The following FABP12 variants were observed in gnomAD, a reference collection of about 807,000 sequenced individuals.
FABP12 encodes the protein fatty acid-binding protein 12.
FABP12 carries 19 observed loss-of-function variants against 13.7 expected under a neutral mutation model. That is an observed-to-expected ratio of 1.39 (90% CI 0.97 to 2.04). FABP12 has a LOEUF of 2.04. Ranked by LOEUF, FABP12 falls within the 30% of genes most tolerant of loss-of-function variation. The probability of loss-of-function intolerance (pLI) is 0.00; values close to 1 mark genes in which losing one functional copy is unlikely to be tolerated. For synonymous variants in FABP12, 61 were observed against 57.0 expected, an observed-to-expected ratio of 1.07 and a Z score of -0.32; for missense variants, 182 against 164.2, an observed-to-expected ratio of 1.11 and a Z score of -0.59.
At chr8:81,569,364 T>C (rs1347803749) in intron 1 of FABP12, among the ~76,000 whole-genome samples, 1 of 152,266 alleles carries the variant, frequency 6.6e-6, no homozygotes, top group Non-Finnish European at 1.5e-5. Flanking sequence ...ATTGTATGGT[T>C]CTGTATTGTA....
intron 1 of FABP12, among the ~76,000 whole-genome samples, chr8:81,561,129 C>A (rs1809717244): frequency 6.6e-6 from 1 of 152,164 alleles, no homozygotes; most frequent in African/African-American, 2.4e-5. Context: ...TCTTCCTAGT[C>A]TAGTCTATTT....
intron 1 of FABP12, among the ~76,000 whole-genome samples, chr8:81,589,888 C>A (rs1810294425): frequency 6.6e-6 from 1 of 152,158 alleles, no homozygotes; most frequent in Non-Finnish European, 1.5e-5. Flanking sequence ...AAAATTTGAA[C>A]CATATAATGA....
intron 1 of FABP12, among the ~76,000 whole-genome samples, chr8:81,542,144 C>A (rs1809360467): frequency 6.6e-6 from 1 of 152,026 alleles, no homozygotes. Context: ...AAAATCCCAG[C>A]CAGAATGGAG....
At chr8:81,530,913 CT>C (rs1368373903) in intron 2 of FABP12, among the ~76,000 whole-genome samples, 2 of 152,138 alleles carry the variant, frequency 1.3e-5, no homozygotes, top group Non-Finnish European at 2.9e-5. Flanking sequence ...CTACTCTGAA[CT>C]TTATTCTGAA....
At chr8:81,583,385 G>C (rs184287428) in intron 1 of FABP12, among the ~76,000 whole-genome samples, 1 of 151,296 alleles carries the variant, frequency 6.6e-6, no homozygotes, top group Non-Finnish European at 1.5e-5. Context: ...TAGAGACAAA[G>C]AATCAACAAA....
intron 4 of FABP12, among the ~76,000 whole-genome samples, chr8:81,525,529 A>AATAG (rs1554576047): frequency 0.015 from 2,301 of 150,026 alleles, 22 homozygotes; most frequent in South Asian, 0.035. Context: ...AAAAAAAAAA[A>AATAG]ATAGATAGAT....
upstream of FABP12, among the ~76,000 whole-genome samples, chr8:81,538,488 A>G (rs1208206923): frequency 1.3e-5 from 2 of 152,254 alleles, no homozygotes; most frequent in Non-Finnish European, 2.9e-5. Context: ...ATTCAATAAC[A>G]TATGTTCTTA....
intron 1 of FABP12, among the ~76,000 whole-genome samples, chr8:81,575,827 T>C (rs950056806): frequency 6.6e-6 from 1 of 152,196 alleles, no homozygotes; most frequent in Non-Finnish European, 1.5e-5. Flanking sequence ...CATGGGAGCC[T>C]GAACCCTACT....
At chr8:81,543,394 C>T (rs1259555703) in intron 1 of FABP12, among the ~76,000 whole-genome samples, 1 of 152,124 alleles carries the variant, frequency 6.6e-6, no homozygotes, top group African/African-American at 2.4e-5. Context: ...GATTATGGCT[C>T]TACTGGAAAG....
At chr8:81,585,331 T>A (rs985828657) in intron 1 of FABP12, among the ~76,000 whole-genome samples, 7 of 152,216 alleles carry the variant, frequency 4.6e-5, no homozygotes, top group African/African-American at 1.7e-4. Context: ...GCATCATTTA[T>A]TAAAGACTGT....
intron 1 of FABP12, among the ~76,000 whole-genome samples, chr8:81,561,356 A>ATT (rs899377336): frequency 2.5e-4 from 38 of 152,292 alleles, no homozygotes; most frequent in Non-Finnish European, 4.6e-4. Context: ...GCATAAACTG[A>ATT]TTTTTTTCTC....
Position 81,525,137 on chromosome 8 carries a change from A to C in FABP12, c.349-17T>G, listed in dbSNP as rs118148593. ...AGTACTTTCCTACAAGACAAAAGAA[A>C]TATGAGGTATTTCAGTATAGTTAGT... On this transcript the variant is annotated splice_polypyrimidine_tract_variant and intron_variant, in intron 4 of 4. Transcript: ENST00000360464. 2.7e-6 allele frequency: 4 copies of C among 1,487,176 alleles called. No homozygotes were observed. In the Admixed American group the frequency reaches 7.5e-5, roughly 28 times the overall value. 92.1% of individuals were successfully genotyped at this position (1,487,176 alleles called of 1,614,324 possible).
intron 1 of FABP12, among the ~76,000 whole-genome samples, chr8:81,546,092 AC>A (rs1809430479): frequency 6.6e-6 from 1 of 152,168 alleles, no homozygotes; most frequent in Non-Finnish European, 1.5e-5. Flanking sequence ...CTGCAAAGTT[AC>A]CATACATAGT....
intron 1 of FABP12, among the ~76,000 whole-genome samples, chr8:81,546,228 A>C (rs1268355811): frequency 6.6e-6 from 1 of 152,216 alleles, no homozygotes; most frequent in Non-Finnish European, 1.5e-5. Context: ...CAATTTCAGA[A>C]AAGAGATGAA....
chr8:81,526,871 G>A (rs934929205), intron 4 of FABP12, 149 bp downstream of exon 4: 5 of 565,084 alleles, frequency 8.8e-6, no homozygotes, highest in African/African-American at 5.7e-5. Flanking sequence ...TAATGCTTAC[G>A]ATTATACATT....
intron 1 of FABP12, among the ~76,000 whole-genome samples, chr8:81,567,737 A>G (rs1037980614): frequency 6.6e-6 from 1 of 152,250 alleles, no homozygotes; most frequent in Non-Finnish European, 1.5e-5. Flanking sequence ...ACTCTTCAGG[A>G]CACTGGACTG....
At chr8:81,551,100 G>A (rs1445180988) in intron 1 of FABP12, among the ~76,000 whole-genome samples, 1 of 152,118 alleles carries the variant, frequency 6.6e-6, no homozygotes, top group Non-Finnish European at 1.5e-5. Context: ...GCAAGTCCAA[G>A]TGGCTGCTAT....
At position 81,576,268 on chromosome 8, in the gene FABP12, G is replaced by C. The variant is rs972652230; in HGVS notation, c.-185+13785C>G. ...TTTATGAGATTAGCATTTAGAGGGG[G>C]GCCTTGAAATTTTTTTCCAATGAAT... is the stretch of plus-strand genomic sequence containing the variant. On this transcript the variant is annotated intron_variant, in intron 1 of 5. Transcript: ENST00000692030. Among the ~76,000 whole-genome samples the C allele has an allele frequency of 2.0e-4, 30 of 151,694 alleles. 1 individual carries two copies. The highest frequency in any genetic ancestry group is 1.5e-5 in the Non-Finnish European group (1 of 67,932).
chr8:81,553,455 C>T (rs1049461382), intron 1 of FABP12, among the ~76,000 whole-genome samples: 6 of 152,132 alleles, frequency 3.9e-5, no homozygotes, highest in African/African-American at 1.4e-4. Flanking sequence ...ACTATATTTT[C>T]ACTTGATATG....
Sources: allele counts gnomAD v4.1 joint callset (sites outside exome capture counted in the v4.1 genomes callset), GRCh38; gene constraint gnomAD v4.1.1; transcripts MANE v1.5; gene names NCBI Gene and HGNC (gene_info 2026-07-23, HGNC 2026-07-21).